ITPR1: variants seen among roughly 807,000 people sequenced by gnomAD.
ITPR1 encodes the protein inositol 1,4,5-trisphosphate receptor type 1.
In ITPR1, 96 loss-of-function variants were observed where a neutral mutation model predicts 318.4. The ratio of observed to expected loss-of-function variants is 0.30; its 90% confidence interval spans 0.26 to 0.36. ITPR1 has a LOEUF of 0.36. Among genes scored for constraint, ITPR1 ranks in the 10% least tolerant of loss-of-function variants. The pLI is 1.00. For missense variants in ITPR1, 2,440 were observed against 3,460.2 expected (o/e 0.71, Z 7.40); for synonymous variants, 1,312 against 1,289.9 (o/e 1.02, Z -0.37).
At chr3:4,533,399 T>G (rs572586477) in intron 4 of ITPR1, among the ~76,000 whole-genome samples, 100 of 152,238 alleles carry the variant, frequency 6.6e-4, no homozygotes, top group African/African-American at 2.4e-3. Flanking sequence ...AGGCAAGTCA[T>G]TTAACCTGTC....
At chr3:4,688,336 C>A (rs539914342) in intron 30 of ITPR1, among the ~76,000 whole-genome samples, 159 bp from the exon 31 acceptor site, 5 of 152,350 alleles carry the variant, frequency 3.3e-5, no homozygotes, top group South Asian at 2.1e-4. Flanking sequence ...AAGTTACTGG[C>A]TTCTTTTCAG....
At position 4,676,772 on chromosome 3, in the gene ITPR1, A is replaced by G; in HGVS notation, c.2938A>G (p.Thr980Ala). ...PEKEDIMVMD[T>A]KLKIIEILQF... ...GAAGGAGGACATCATGGTCATGGACACCAAGCTGAAGATCATTGAGATACT... is the reference window on the plus strand; with the variant it reads ...GAAGGAGGACATCATGGTCATGGACGCCAAGCTGAAGATCATTGAGATACT... The change falls in exon 24 of 62, where the codon ACC becomes GCC. Residue 980 changes from threonine to alanine, a missense_variant. Physicochemically the swap from Thr to Ala is moderately conservative, Grantham distance 58 (BLOSUM62 0). Around this residue, in one of 23 missense-constraint regions of ITPR1, gnomAD observed 478 missense variants for 696.3 expected, o/e 0.69. Transcript: ENST00000649015. 1 of 1,613,592 alleles carries G rather than the reference A, an allele frequency of 6.2e-7. No individual in the cohort carries two copies. Among genetic ancestry groups the G allele is most frequent in the Non-Finnish European group, 8.5e-7 (1 of 1,179,770 alleles).
chr3:4,691,282 C>A lies in ITPR1; in HGVS notation c.3967C>A (p.Gln1323Lys). The A allele has an allele frequency of 6.2e-7, 1 of 1,613,350 alleles. No individual in the cohort carries two copies. Among genetic ancestry groups the A allele is most frequent in the Non-Finnish European group, 8.5e-7 (1 of 1,179,440 alleles). ...GAATGTCCAGTATATAAAGTTCTTACAGACAATTGTCAAGGCAGAAGGGAA... is the reference window on the plus strand; with the variant it reads ...GAATGTCCAGTATATAAAGTTCTTAAAGACAATTGTCAAGGCAGAAGGGAA... ...GRNVQYIKFL[Q>K]TIVKAEGKFI... The change falls in exon 32 of 62, where the codon CAG (glutamine) becomes AAG (lysine). Residue 1323 changes from glutamine to lysine, a missense_variant. Coordinates refer to ENST00000649015, the MANE Select transcript of ITPR1 (RefSeq NM_001378452.1).
intron 8 of ITPR1, among the ~76,000 whole-genome samples, chr3:4,645,035 T>G (rs1386591581): frequency 6.6e-6 from 1 of 152,238 alleles, no homozygotes; most frequent in Non-Finnish European, 1.5e-5. Flanking sequence ...TTTTTCCCTT[T>G]ATGGCTCATC....
At chr3:4,617,558 G>C (rs1257749903) in intron 4 of ITPR1, among the ~76,000 whole-genome samples, 1 of 152,132 alleles carries the variant, frequency 6.6e-6, no homozygotes, top group East Asian at 1.9e-4. Context: ...CCATTACATT[G>C]ACAATTAAAT....
chr3:4,534,777 G>A (rs1478745230), intron 4 of ITPR1, among the ~76,000 whole-genome samples: 1 of 152,094 alleles, frequency 6.6e-6, no homozygotes, highest in Admixed American at 6.5e-5. Context: ...AGCTCGCTTG[G>A]ACTTATGCTA....
chr3:4,551,783 T>A (rs961775082), intron 4 of ITPR1, among the ~76,000 whole-genome samples: 1 of 152,252 alleles, frequency 6.6e-6, no homozygotes, highest in Non-Finnish European at 1.5e-5. Flanking sequence ...ATCAGAGAAG[T>A]CGGCTTAAGT....
rs9841908 is a variant in ITPR1, at chr3:4,619,638, C to T, written c.164-8125C>T. Among the ~76,000 whole-genome samples the T allele has an allele frequency of 2.6e-3, 36 of 14,014 alleles. 4 individuals carry two copies. Among genetic ancestry groups the T allele is most frequent in the African/African-American group, 0.019 (30 of 1,580 alleles). 9.2% of individuals were successfully genotyped at this position (14,014 alleles called of 152,430 possible). On this transcript the variant is annotated intron_variant, in intron 4 of 61. Transcript: ENST00000649015. The stretch of plus-strand genomic sequence containing the variant: ...CTCCCCTGCTCTCCTCTGCTCTCCC[C>T]TGCTCTCCTCTGCTCTCCCCTGCTC...
At chr3:4,561,488 T>C (rs1210567303) in intron 4 of ITPR1, among the ~76,000 whole-genome samples, 3 of 152,176 alleles carry the variant, frequency 2.0e-5, no homozygotes, top group African/African-American at 7.2e-5. Context: ...ATACATAATT[T>C]TATAGAATAT....
chr3:4,756,904 T>A (rs372648384), intron 44 of ITPR1, among the ~76,000 whole-genome samples: 11 of 152,358 alleles, frequency 7.2e-5, no homozygotes, highest in African/African-American at 2.6e-4. Context: ...GTTAGACAAC[T>A]GTAGCACCTT....
At chr3:4,636,486 T>C (rs990844887) in intron 5 of ITPR1, among the ~76,000 whole-genome samples, 2 of 152,224 alleles carry the variant, frequency 1.3e-5, no homozygotes, top group Admixed American at 1.3e-4. Flanking sequence ...TAGAGTGCAG[T>C]GGTACTATCT....
At chr3:4,713,826 C>T (rs1021791113) in intron 39 of ITPR1, among the ~76,000 whole-genome samples, 10 of 152,140 alleles carry the variant, frequency 6.6e-5, no homozygotes, top group African/African-American at 2.4e-4. Context: ...GCCTTTCTTT[C>T]CAGTCTGGTT....
chr3:4,644,822 C>T (rs1048360315), intron 8 of ITPR1, among the ~76,000 whole-genome samples: 2 of 152,274 alleles, frequency 1.3e-5, no homozygotes, highest in Admixed American at 6.5e-5. Flanking sequence ...GTTGGTTACC[C>T]GGTCTCCCTG....
At chr3:4,566,362 G>A (rs1245995095) in intron 4 of ITPR1, among the ~76,000 whole-genome samples, 1 of 152,124 alleles carries the variant, frequency 6.6e-6, no homozygotes, top group Non-Finnish European at 1.5e-5. Flanking sequence ...TGTTGCACAG[G>A]AGTTGTTTTC....
chr3:4,789,646 G>C (rs1025323336), intron 52 of ITPR1, among the ~76,000 whole-genome samples: 1 of 151,992 alleles, frequency 6.6e-6, no homozygotes, highest in Non-Finnish European at 1.5e-5. Context: ...TTGAGACAGA[G>C]TCTTGGTCTG....
In ITPR1 at chr3:4,684,351, G is replaced by T. The variant is rs371420259; in HGVS notation, c.3564+5G>T. 272 of 1,603,712 alleles carry T rather than the reference G, an allele frequency of 1.7e-4. No individual in the cohort carries two copies. The highest frequency in any genetic ancestry group is 2.2e-4 in the Non-Finnish European group (253 of 1,171,436). On this transcript the variant is annotated splice_donor_5th_base_variant and intron_variant, in intron 29 of 61. Transcript: ENST00000649015. The stretch of plus-strand genomic sequence containing the variant: ...AACTACAGAGTGGTCAAAGAGGTAA[G>T]CTCCTCCCCCACCACCATTTTTCCT...
chr3:4,711,387 G>C (rs1041549342), intron 38 of ITPR1, among the ~76,000 whole-genome samples: 4 of 151,818 alleles, frequency 2.6e-5, no homozygotes, highest in Non-Finnish European at 1.5e-5. Context: ...AGTTGTTTTT[G>C]TTTTACAGTG....
intron 45 of ITPR1, 145 bp from the exon 46 acceptor site, chr3:4,768,366 C>T (rs962663485): frequency 6.6e-6 from 6 of 904,780 alleles, no homozygotes; most frequent in Non-Finnish European, 9.8e-6. Flanking sequence ...GGACTGAGAG[C>T]AGATTGTGAC....
At chr3:4,521,128 G>A (rs1441717460) in intron 4 of ITPR1, 34 bp downstream of exon 4, 2 of 1,464,446 alleles carry the variant, frequency 1.4e-6, no homozygotes, top group African/African-American at 2.8e-5. Flanking sequence ...TAGTCACCTT[G>A]ACTCACTTGA....
Sources: gnomAD v4.1 joint callset for allele counts (sites outside exome capture counted in the v4.1 genomes callset) on GRCh38, gnomAD v4.1.1 for gene constraint, gnomAD v4.1.1 regional missense constraint, MANE v1.5 for transcripts, NCBI Gene and HGNC (gene_info 2026-07-23, HGNC 2026-07-21) for gene names.